Variants in HSPA2 observed in about 807,000 individuals in gnomAD.
The protein encoded by HSPA2 is heat shock protein family A (Hsp70) member 2.
HSPA2 carries 13 observed loss-of-function variants against 35.0 expected under a neutral mutation model. The ratio of observed to expected loss-of-function variants is 0.37; its 90% CI spans 0.24 to 0.59. The LOEUF (loss-of-function observed/expected upper bound fraction) is 0.59. Among genes scored for constraint, HSPA2 ranks in the 20% least tolerant of loss-of-function variants. The pLI is 0.70. For missense variants in HSPA2, 565 were observed against 885.4 expected, an observed-to-expected ratio of 0.64 and a Z score of 4.59; for synonymous variants, 368 against 382.1, an observed-to-expected ratio of 0.96 and a Z score of 0.43.
At chr14:64,536,616 C>T (rs1204155856), upstream of HSPA2, among the ~76,000 whole-genome samples, 6 of 152,044 alleles carry the variant, frequency 3.9e-5, no homozygotes, top group Non-Finnish European at 8.8e-5. Flanking sequence ...AAAAATTAGC[C>T]GGGCTTGGTG....
chr14:64,539,915 C>A (rs1235465486), upstream of HSPA2, among the ~76,000 whole-genome samples: 1 of 152,174 alleles, frequency 6.6e-6, no homozygotes, highest in Non-Finnish European at 1.5e-5. Context: ...GTCTTAACGT[C>A]GTGATCCGGC....
At position 64,542,679 on chromosome 14, in the gene HSPA2, C is replaced by CG; in HGVS notation, c.1830_1831insG (p.Ser611GlufsTer73). 6.2e-7 allele frequency: 1 copy of CG among 1,614,104 alleles called. No individual in the cohort carries two copies. Among genetic ancestry groups the CG allele is most frequent in the Non-Finnish European group, 8.5e-7 (1 of 1,180,034 alleles). On this transcript the variant is annotated frameshift_variant, in exon 1 of 1. Transcript: ENST00000247207. LOFTEE classifies it high-confidence loss of function. This position sits in a 1 kb window ranked among gnomAD's most constrained non-coding sequence, Gnocchi z 5.7. ...TCGAAAGAGTTTGCAACCCCATCAT[C>CG]AGCAAACTTTACCAAGGTGGTCCTG...
chr14:64,540,962 C>T lies in HSPA2; in HGVS notation c.113C>T (p.Thr38Ile). The stretch of plus-strand genomic sequence containing the variant: ...ATCGCCAACGACCAGGGCAATCGCA[C>T]CACCCCCAGCTACGTGGCCTTCACG... The part of the protein sequence containing the change: ...EIIANDQGNR[T>I]TPSYVAFTDT... The change falls in exon 1 of 1, where the codon ACC (threonine) becomes ATC (isoleucine). Residue 38 changes from threonine (T) to isoleucine (I), a missense_variant. By Grantham distance (89) the Thr-to-Ile change is moderately conservative. Transcript: ENST00000247207. 6.2e-7 allele frequency: 1 copy of T among 1,614,130 alleles called. No individual in the cohort carries two copies. The highest frequency in any genetic ancestry group is 8.5e-7 in the Non-Finnish European group (1 of 1,180,040).
At chr14:64,539,578 C>A, upstream of HSPA2, among the ~76,000 whole-genome samples, 1 of 152,332 alleles carries the variant, frequency 6.6e-6, no homozygotes, top group Admixed American at 6.5e-5. Flanking sequence ...GACAAGTCGC[C>A]GCCACACCCC....
Position 64,541,449 on chromosome 14 carries a change from C to T in HSPA2, c.600C>T (p.Ile200=). 1 of 1,613,960 alleles carries T rather than the reference C, an allele frequency of 6.2e-7. No individual in the cohort carries two copies. Among genetic ancestry groups the T allele is most frequent in the Non-Finnish European group, 8.5e-7 (1 of 1,180,016 alleles). Residue 200 remains isoleucine, a synonymous_variant, in exon 1 of 1, where the codon ATC becomes ATT. Coordinates refer to ENST00000247207, the MANE Select transcript of HSPA2 (RefSeq NM_021979.4). The part of the protein sequence containing the change: ...GCAGGEKNVL[I]FDLGGGTFDV... ...CGGGCGGCGAGAAGAACGTGCTCAT[C>T]TTTGACCTGGGCGGTGGCACTTTCG...
upstream of HSPA2, among the ~76,000 whole-genome samples, chr14:64,536,637 G>A (rs995799895): frequency 4.6e-5 from 7 of 152,180 alleles, no homozygotes; most frequent in Middle Eastern, 3.2e-3. Flanking sequence ...GTGCATGCCT[G>A]TAGTCCTAAC....
rs892918017 is a variant in HSPA2, at chr14:64,540,762, G to A, written c.-88G>A. Reference sequence around the variant, plus strand: ...AGCTGAGTTGCTGGTAGTGCCCGTGGTGCTTGGTTCGAGGTGGCCGTTAGT... The same window carrying A: ...AGCTGAGTTGCTGGTAGTGCCCGTGATGCTTGGTTCGAGGTGGCCGTTAGT... On this transcript the variant is annotated 5_prime_UTR_variant, in exon 1 of 1. The change creates a new upstream start codon in the 5' untranslated region. Coordinates refer to ENST00000247207, the MANE Select transcript of HSPA2 (RefSeq NM_021979.4). The A allele has an allele frequency of 1.9e-5, 30 of 1,556,498 alleles. No individual in the cohort carries two copies. The highest frequency in any genetic ancestry group is 2.4e-5 in the Non-Finnish European group (28 of 1,150,550).
Position 64,542,437 on chromosome 14 carries a change from TC to T in HSPA2, c.1589del (p.Ser530TrpfsTer32). 1 of 1,613,556 alleles carries T rather than the reference TC, an allele frequency of 6.2e-7. No homozygotes were observed. Among genetic ancestry groups the T allele is most frequent in the Non-Finnish European group, 8.5e-7 (1 of 1,179,944 alleles). On this transcript the variant is annotated frameshift_variant, in exon 1 of 1. Transcript: ENST00000247207. LOFTEE classifies it high-confidence loss of function. The surrounding 1 kb of genome is among the most constrained non-coding windows in gnomAD (Gnocchi z 5.7). ...RMVQEAERYK[S>X]EDEANRDRVA... ...GGTGCAGGAGGCGGAGCGGTACAAA[TC>T]GGAAGATGAGGCGAATCGCGACCGA...
chr14:64,540,987 G>A lies in HSPA2; in HGVS notation c.138G>A (p.Thr46=), dbSNP rs1596713435. 1 of 1,614,154 alleles carries A rather than the reference G, an allele frequency of 6.2e-7. No individual in the cohort carries two copies. Among genetic ancestry groups the A allele is most frequent in the Non-Finnish European group, 8.5e-7 (1 of 1,180,036 alleles). The change falls in exon 1 of 1, where the codon ACG becomes ACA. Residue 46 remains threonine (T), a synonymous_variant. Coordinates refer to ENST00000247207, the MANE Select transcript of HSPA2 (RefSeq NM_021979.4). The part of the protein sequence containing the change: ...NRTTPSYVAF[T]DTERLIGDAA... Reference sequence around the variant, plus strand: ...CCACCCCCAGCTACGTGGCCTTCACGGACACCGAGCGCCTCATCGGCGACG... The same window carrying A: ...CCACCCCCAGCTACGTGGCCTTCACAGACACCGAGCGCCTCATCGGCGACG...
rs1555350276 is a variant in HSPA2 at position 64,541,953 on chromosome 14, C to G, written c.1104C>G (p.Pro368=). The G allele has an allele frequency of 2.5e-6, 4 of 1,613,466 alleles. No homozygotes were observed. In the Admixed American group the frequency reaches 5.0e-5, roughly 20 times the overall value. ...NGKELNKSIN[P]DEAVAYGAAV... is the part of the protein sequence containing the mutation. ...AGGAGCTGAACAAGAGCATCAACCC[C>G]GACGAGGCGGTGGCCTATGGCGCCG... Residue 368 remains proline (P), a synonymous_variant, in exon 1 of 1, where the codon CCC becomes CCG. Coordinates refer to ENST00000247207, the MANE Select transcript of HSPA2 (RefSeq NM_021979.4).
upstream of HSPA2, among the ~76,000 whole-genome samples, chr14:64,539,450 T>TG (rs1194383411): frequency 6.6e-6 from 1 of 152,178 alleles, no homozygotes; most frequent in Non-Finnish European, 1.5e-5. Flanking sequence ...ATAAAGCACT[T>TG]GCGACCTAAA....
chr14:64,537,126 G>T (rs2079985490), upstream of HSPA2, among the ~76,000 whole-genome samples: 1 of 152,114 alleles, frequency 6.6e-6, no homozygotes, highest in African/African-American at 2.4e-5. Context: ...TAAAGAATTT[G>T]TGTTTCTCAC....
upstream of HSPA2, among the ~76,000 whole-genome samples, chr14:64,539,999 G>C (rs143235712): frequency 7.6e-3 from 1,149 of 152,066 alleles, 10 homozygotes; most frequent in Middle Eastern, 0.014. Context: ...AGTTTTAATC[G>C]AGCGCTCACA....
In HSPA2 at chr14:64,541,304, A is replaced by G. The variant is rs1826204208; in HGVS notation, c.455A>G (p.Asn152Ser). 6.2e-7 allele frequency: 1 copy of G among 1,613,718 alleles called. No homozygotes were observed. The highest frequency in any genetic ancestry group is 8.5e-7 in the Non-Finnish European group (1 of 1,180,032). The change falls in exon 1 of 1, where the codon AAC becomes AGC. Residue 152 changes from asparagine (N) to serine (S), a missense_variant. Transcript: ENST00000247207. ...GTCATAACGGTCCCGGCCTATTTCA[A>G]CGACTCGCAGCGCCAGGCCACCAAG... ...SAVITVPAYF[N>S]DSQRQATKDA...
upstream of HSPA2, chr14:64,540,323 C>G (rs1413753724): frequency 5.5e-6 from 1 of 180,714 alleles, no homozygotes; most frequent in African/African-American, 2.4e-5. Flanking sequence ...TCACCGGGAT[C>G]CCCTTCCACG....
Position 64,540,755 on chromosome 14 carries a change from G to C in HSPA2, c.-95G>C, listed in dbSNP as rs998573840. On this transcript the variant is annotated 5_prime_UTR_variant, in exon 1 of 1. Coordinates refer to ENST00000247207, the MANE Select transcript of HSPA2 (RefSeq NM_021979.4). ...CGCGGGGAGCTGAGTTGCTGGTAGT[G>C]CCCGTGGTGCTTGGTTCGAGGTGGC... The C allele has an allele frequency of 6.5e-7, 1 of 1,543,166 alleles. No homozygotes were observed. Among genetic ancestry groups the C allele is most frequent in the Non-Finnish European group, 8.8e-7 (1 of 1,142,440 alleles).
chr14:64,541,764 C>A lies in HSPA2; in HGVS notation c.915C>A (p.Phe305Leu). 3.1e-6 allele frequency: 5 copies of A among 1,612,968 alleles called. No individual in the cohort carries two copies. Among genetic ancestry groups the A allele is most frequent in the Non-Finnish European group, 4.2e-6 (5 of 1,179,866 alleles). The change falls in exon 1 of 1, where the codon TTC (phenylalanine) becomes TTA (leucine). Residue 305 changes from phenylalanine (F) to leucine (L), a missense_variant. This residue lies in a region of HSPA2 where 234 missense variants were observed against 419.0 expected (regional missense o/e 0.56). Coordinates refer to ENST00000247207, the MANE Select transcript of HSPA2 (RefSeq NM_021979.4). Reference sequence around the variant, plus strand: ...ATACGTCCATCACGCGCGCCCGCTTCGAGGAGCTCAATGCCGACCTCTTTC... The same window carrying A: ...ATACGTCCATCACGCGCGCCCGCTTAGAGGAGCTCAATGCCGACCTCTTTC... ...DFYTSITRAR[F>L]EELNADLFRG...
In HSPA2 at chr14:64,542,947, T is replaced by C. The variant is rs977019465; in HGVS notation, c.*178T>C. 8.8e-7 allele frequency: 1 copy of C among 1,138,002 alleles called. No individual in the cohort carries two copies. Among genetic ancestry groups the C allele is most frequent in the Admixed American group, 3.1e-5 (1 of 32,612 alleles). 70.5% of individuals were successfully genotyped at this position (1,138,002 alleles called of 1,614,324 possible). Reference sequence around the variant, plus strand: ...TAATTATAAAAGTTCCAAAGTTTGTTTTTTAAAAACATTATTCGAGGTTTC... The same window carrying C: ...TAATTATAAAAGTTCCAAAGTTTGTCTTTTAAAAACATTATTCGAGGTTTC... On this transcript the variant is annotated 3_prime_UTR_variant, in exon 1 of 1. Transcript: ENST00000247207. The surrounding 1 kb of genome is among the most constrained non-coding windows in gnomAD (Gnocchi z 5.7).
In HSPA2 at chr14:64,542,945, G is replaced by A; in HGVS notation, c.*176G>A. 1 of 1,160,040 alleles carries A rather than the reference G, an allele frequency of 8.6e-7. No individual in the cohort carries two copies. Among genetic ancestry groups the A allele is most frequent in the Non-Finnish European group, 1.2e-6 (1 of 841,516 alleles). The allele number at this position is 1,160,040 out of a possible 1,614,324, so 71.9% of individuals were successfully genotyped here. A position where few individuals can be genotyped will look rare whatever the true frequency, so the allele number is the denominator to read the frequency against. On this transcript the variant is annotated 3_prime_UTR_variant, in exon 1 of 1. Transcript: ENST00000247207. The surrounding 1 kb of genome is among the most constrained non-coding windows in gnomAD (Gnocchi z 5.7). ...TTTAATTATAAAAGTTCCAAAGTTT[G>A]TTTTTTAAAAACATTATTCGAGGTT...
Sources: allele counts gnomAD v4.1 joint callset (sites outside exome capture counted in the v4.1 genomes callset), GRCh38; gene constraint gnomAD v4.1.1; regional missense constraint gnomAD v4.1.1; non-coding constraint Gnocchi (gnomAD v3.1); transcripts MANE v1.5; gene names NCBI Gene and HGNC (gene_info 2026-07-23, HGNC 2026-07-21).